The following TAS2R1 variants were observed in gnomAD, a reference collection of about 807,000 sequenced individuals.
TAS2R1 encodes taste 2 receptor member 1.
For synonymous variants in TAS2R1, 141 were observed against 134.2 expected (o/e 1.05, Z -0.35); for missense variants, 370 against 353.4 (o/e 1.05, Z -0.38).
intron 1 of TAS2R1, among the ~76,000 whole-genome samples, chr5:9,707,202 G>A (rs760432313): frequency 2.0e-5 from 3 of 152,164 alleles, no homozygotes; most frequent in African/African-American, 2.4e-5. Flanking sequence ...GATTCCCTCA[G>A]GCTGGTGGTG....
At chr5:9,864,365 T>C in the TAS2R1 span, among the ~76,000 whole-genome samples, 1 of 152,136 alleles carries the variant, frequency 6.6e-6, no homozygotes, top group Admixed American at 6.5e-5. Flanking sequence ...CAGTGGCTCA[T>C]GCCTGTAATC....
chr5:9,809,951 C>A, the TAS2R1 span, among the ~76,000 whole-genome samples: 1 of 152,228 alleles, frequency 6.6e-6, no homozygotes, highest in East Asian at 1.9e-4. Context: ...AGTGAAGATA[C>A]TTTCAGGCTG....
intron 2 of TAS2R1, chr5:9,658,387 CTG>C (rs1740459146): frequency 6.6e-6 from 1 of 152,310 alleles, no homozygotes; most frequent in East Asian, 1.9e-4. Flanking sequence ...ATGTATATAA[CTG>C]TTGTAACCAT....
the TAS2R1 span, among the ~76,000 whole-genome samples, chr5:9,814,072 T>C: frequency 1.3e-5 from 2 of 152,192 alleles, no homozygotes; most frequent in African/African-American, 2.4e-5. Context: ...TTCAACATGA[T>C]TCAGCCATCA....
At chr5:9,698,476 G>A (rs1434487827) in intron 1 of TAS2R1, among the ~76,000 whole-genome samples, 1 of 152,144 alleles carries the variant, frequency 6.6e-6, no homozygotes, top group East Asian at 1.9e-4. Context: ...TTTTTCAATG[G>A]TTGTACAGAA....
chr5:9,688,545 C>T (rs576148521), intron 1 of TAS2R1, among the ~76,000 whole-genome samples: 6 of 152,180 alleles, frequency 3.9e-5, no homozygotes, highest in Non-Finnish European at 5.9e-5. Context: ...ATAGAAGGGC[C>T]GGATAATGCA....
Position 9,659,597 on chromosome 5 carries a change from CAG to C in TAS2R1, c.-241-18_-241-17del, listed in dbSNP as rs1740490152. 3 of 151,308 alleles carry C rather than the reference CAG, an allele frequency of 2.0e-5. No individual in the cohort carries two copies. The South Asian group carries it at 6.3e-4, about 32-fold the overall frequency. 9.4% of individuals were successfully genotyped at this position (151,308 alleles called of 1,614,324 possible). On this transcript the variant is annotated splice_polypyrimidine_tract_variant and intron_variant, in intron 1 of 2. Transcript: ENST00000506620. Reference sequence around the variant, plus strand: ...GTCAGGTCTACTGCAGTATGAGAAACAGGGGAGGGAAATGTTAGCTATTTAAA... The same window carrying C: ...GTCAGGTCTACTGCAGTATGAGAAACGGGAGGGAAATGTTAGCTATTTAAA...
the TAS2R1 span, among the ~76,000 whole-genome samples, chr5:9,819,826 T>C: frequency 6.6e-6 from 1 of 152,094 alleles, no homozygotes; most frequent in African/African-American, 2.4e-5. Flanking sequence ...GATTACTCAT[T>C]AAAATCTAGG....
chr5:9,661,810 T>C (rs1004112280), intron 1 of TAS2R1, among the ~76,000 whole-genome samples: 1 of 152,210 alleles, frequency 6.6e-6, no homozygotes, highest in Non-Finnish European at 1.5e-5. Context: ...ATACTACATA[T>C]ACACACATGT....
intron 1 of TAS2R1, among the ~76,000 whole-genome samples, chr5:9,690,931 T>A (rs1285472692): frequency 6.6e-6 from 1 of 152,046 alleles, no homozygotes; most frequent in Non-Finnish European, 1.5e-5. Flanking sequence ...CACAGTCCAT[T>A]CAAAAACAGG....
the TAS2R1 span, among the ~76,000 whole-genome samples, chr5:9,894,860 T>C: frequency 6.6e-6 from 1 of 152,248 alleles, no homozygotes. Flanking sequence ...AAAGCAAAGG[T>C]TGCCTTATAC....
the TAS2R1 span, among the ~76,000 whole-genome samples, chr5:9,731,238 C>T: frequency 2.0e-5 from 3 of 152,096 alleles, no homozygotes; most frequent in African/African-American, 7.2e-5. Context: ...ACACTCCACT[C>T]AAAGCAACGT....
chr5:9,639,873 G>T (rs1740038251), intron 2 of TAS2R1, among the ~76,000 whole-genome samples: 1 of 152,228 alleles, frequency 6.6e-6, no homozygotes, highest in Non-Finnish European at 1.5e-5. Flanking sequence ...TTAAGGAAAT[G>T]TTGTGGCTGG....
chr5:9,644,252 A>C (rs1740144479), intron 2 of TAS2R1, among the ~76,000 whole-genome samples: 1 of 152,172 alleles, frequency 6.6e-6, no homozygotes, highest in Non-Finnish European at 1.5e-5. Flanking sequence ...GGTTGGGAGA[A>C]GGCAAGTGTG....
intron 1 of TAS2R1, among the ~76,000 whole-genome samples, chr5:9,666,503 A>G (rs1277935654): frequency 6.6e-6 from 1 of 152,208 alleles, no homozygotes; most frequent in Non-Finnish European, 1.5e-5. Flanking sequence ...CCAGGAATTT[A>G]TCAGATGGTT....
chr5:9,755,035 T>C, the TAS2R1 span, among the ~76,000 whole-genome samples: 4 of 152,206 alleles, frequency 2.6e-5, no homozygotes, highest in African/African-American at 4.8e-5. Flanking sequence ...TTTCAGGTTT[T>C]AAAAATTTTT....
At chr5:9,847,602 G>T in the TAS2R1 span, among the ~76,000 whole-genome samples, 1 of 152,214 alleles carries the variant, frequency 6.6e-6, no homozygotes, top group South Asian at 2.1e-4. Flanking sequence ...CCAGGGACTG[G>T]CTTGAGCCAA....
the TAS2R1 span, among the ~76,000 whole-genome samples, chr5:9,734,361 A>G: frequency 9.2e-5 from 14 of 152,330 alleles, no homozygotes; most frequent in South Asian, 2.9e-3. Context: ...TGTCCAATCA[A>G]TACAGCTCCC....
chr5:9,799,715 T>C, the TAS2R1 span, among the ~76,000 whole-genome samples: 2 of 152,214 alleles, frequency 1.3e-5, no homozygotes, highest in Non-Finnish European at 2.9e-5. Flanking sequence ...AAACATCTCC[T>C]GGCATCTTTT....
Sources: gnomAD v4.1 joint callset for allele counts (sites outside exome capture counted in the v4.1 genomes callset) on GRCh38, gnomAD v4.1.1 for gene constraint, MANE v1.5 for transcripts, NCBI Gene and HGNC (gene_info 2026-07-23, HGNC 2026-07-21) for gene names.